TGFBR2: variants seen among roughly 807,000 people sequenced by gnomAD.
TGFBR2 encodes transforming growth factor beta receptor 2, also known as TGF-beta receptor type-2.
Under a neutral mutation model 49.0 loss-of-function variants are expected in TGFBR2, and 18 were observed. The ratio of observed to expected loss-of-function variants is 0.37; its 90% CI spans 0.25 to 0.54. The LOEUF is 0.54. Ranked by LOEUF, TGFBR2 falls within the 20% of genes least tolerant of loss-of-function variation. TGFBR2 has a pLI of 0.85. For synonymous variants in TGFBR2, 282 were observed against 275.9 expected (o/e 1.02, Z -0.22); for missense variants, 525 against 722.6 (o/e 0.73, Z 3.13).
Position 30,676,568 on chromosome 3 carries a change from G to A in TGFBR2, c.1396+2322G>A, listed in dbSNP as rs1374682915. Among the ~76,000 whole-genome samples the A allele has an allele frequency of 1.3e-5, 2 of 152,180 alleles. No individual in the cohort carries two copies. Among genetic ancestry groups the A allele is most frequent in the Admixed American group, 1.3e-4 (2 of 15,272 alleles). On this transcript the variant is annotated intron_variant, in intron 5 of 6. Coordinates refer to ENST00000295754, the MANE Select transcript of TGFBR2 (RefSeq NM_003242.6). This position sits in a 1 kb window ranked among gnomAD's most constrained non-coding sequence, Gnocchi z 4.3. ...TTTCATTATATGAGTATCCAGTATT[G>A]TCATTATTTATTTTGTTGCTCAGGT...
At chr3:30,626,447 A>G (rs1363976478) in intron 1 of TGFBR2, 1 of 152,412 alleles carries the variant, frequency 6.6e-6, no homozygotes, top group Admixed American at 6.5e-5. Context: ...CAAAAGAGAA[A>G]ACACTTGACC....
intron 3 of TGFBR2, among the ~76,000 whole-genome samples, chr3:30,662,337 G>A (rs1699147696): frequency 6.6e-6 from 1 of 152,206 alleles, no homozygotes; most frequent in Non-Finnish European, 1.5e-5. Flanking sequence ...TCTAGAAAGA[G>A]ATTATCATAC....
intron 1 of TGFBR2, among the ~76,000 whole-genome samples, chr3:30,623,455 G>A (rs1000913560): frequency 2.0e-5 from 3 of 152,110 alleles, no homozygotes; most frequent in South Asian, 4.1e-4. Flanking sequence ...TTCTTGCCTC[G>A]AACATTAAAA....
Position 30,691,463 on chromosome 3 carries a change from A to G in TGFBR2, c.1568A>G (p.His523Arg), listed in dbSNP as rs1699708270. Residue 523 changes from histidine (H) to arginine (R), a missense_variant, in exon 7 of 7, where the codon CAC (histidine) becomes CGC (arginine). His to Arg is a conservative substitution (Grantham distance 29, BLOSUM62 0). Coordinates refer to ENST00000295754, the MANE Select transcript of TGFBR2 (RefSeq NM_003242.6). The part of the protein sequence containing the change: ...VCETLTECWD[H>R]DPEARLTAQC... ...GAGACGTTGACTGAGTGCTGGGACC[A>G]CGACCCAGAGGCCCGTCTCACAGCC... 6.2e-7 allele frequency: 1 copy of G among 1,614,062 alleles called. No individual in the cohort carries two copies. Among genetic ancestry groups the G allele is most frequent in the South Asian group, 1.1e-5 (1 of 91,070 alleles).
At chr3:30,623,105 A>T in intron 1 of TGFBR2, 1 of 734,606 alleles carries the variant, frequency 1.4e-6, no homozygotes, top group Non-Finnish European at 2.4e-6. Context: ...ACAGTAATAG[A>T]AAGCTTCATT....
intron 1 of TGFBR2, among the ~76,000 whole-genome samples, chr3:30,642,340 T>C (rs577510355): frequency 6.6e-6 from 1 of 152,248 alleles, no homozygotes; most frequent in South Asian, 2.1e-4. Context: ...TTGTTTTCTG[T>C]TTATTGTGTT....
rs1290850072 is a variant in TGFBR2, at chr3:30,672,808, A to G, written c.1254+371A>G. Among the ~76,000 whole-genome samples the G allele has an allele frequency of 6.6e-6, 1 of 152,056 alleles. No individual in the cohort carries two copies. Among genetic ancestry groups the G allele is most frequent in the Non-Finnish European group, 1.5e-5 (1 of 68,026 alleles). On this transcript the variant is annotated intron_variant, in intron 4 of 6. Transcript: ENST00000295754. The surrounding 1 kb of genome is among the most constrained non-coding windows in gnomAD (Gnocchi z 4.5). ...GTCCTTTCTGCTCTATACTAGCTGT[A>G]GTTGTGTTGGTTTCTTTGTATTAAA... is the stretch of plus-strand genomic sequence containing the variant.
At chr3:30,613,480 G>A (rs950213175) in intron 1 of TGFBR2, among the ~76,000 whole-genome samples, 4 of 151,980 alleles carry the variant, frequency 2.6e-5, no homozygotes, top group African/African-American at 9.7e-5. Flanking sequence ...ATCTCTGCAC[G>A]AGGGTTGTTT....
At chr3:30,687,149 C>T (rs903767323) in intron 5 of TGFBR2, among the ~76,000 whole-genome samples, 1 of 152,172 alleles carries the variant, frequency 6.6e-6, no homozygotes, top group African/African-American at 2.4e-5. Context: ...TAAGGATGTT[C>T]AAGGAAGTTT....
In TGFBR2 at chr3:30,689,388, T is replaced by C. The variant is rs555551876; in HGVS notation, c.1524+877T>C. Among the ~76,000 whole-genome samples, 6 of 152,346 alleles carry C rather than the reference T, an allele frequency of 3.9e-5. No individual in the cohort carries two copies. The South Asian group carries it at 1.2e-3, about 32-fold the overall frequency. On this transcript the variant is annotated intron_variant, in intron 6 of 6. Coordinates refer to ENST00000295754, the MANE Select transcript of TGFBR2 (RefSeq NM_003242.6). ...CCCTATCTCACTGAGAAGACTGTTC[T>C]TTCTACTGACTAAAACCTTTTATTG...
At chr3:30,628,836 T>C (rs1174775317) in intron 1 of TGFBR2, among the ~76,000 whole-genome samples, 2 of 152,124 alleles carry the variant, frequency 1.3e-5, no homozygotes, top group Non-Finnish European at 2.9e-5. Context: ...CTGCCACTCA[T>C]AGCTAACGTG....
At position 30,691,921 on chromosome 3, in the gene TGFBR2, A is replaced by ATC. The variant is rs1250787537; in HGVS notation, c.*323_*324insCT. 8 of 230,108 alleles carry ATC rather than the reference A, an allele frequency of 3.5e-5. No homozygotes were observed. Among genetic ancestry groups the ATC allele is most frequent in the African/African-American group, 1.8e-4 (8 of 43,986 alleles). The allele number at this position is 230,108 out of a possible 1,614,324, so 14.3% of individuals were successfully genotyped here. ...GAATAGCTATGTTTTATATATATAT[A>ATC]TATATATCTATATATGTCTATAGCT... On this transcript the variant is annotated 3_prime_UTR_variant, in exon 7 of 7. Transcript: ENST00000295754.
At chr3:30,621,578 A>G (rs1228043736) in intron 1 of TGFBR2, among the ~76,000 whole-genome samples, 1 of 152,070 alleles carries the variant, frequency 6.6e-6, no homozygotes, top group African/African-American at 2.4e-5. Context: ...ACTGCACCTG[A>G]CCAGAATTTT....
chr3:30,672,161 C>T lies in TGFBR2; in HGVS notation c.978C>T (p.Ala326=), dbSNP rs1575157891. The T allele has an allele frequency of 3.1e-6, 5 of 1,614,174 alleles. No individual in the cohort carries two copies. In the Admixed American group the frequency reaches 8.3e-5, roughly 27 times the overall value. Residue 326 remains alanine, a synonymous_variant, in exon 4 of 7, where the codon GCC becomes GCT. Transcript: ENST00000295754. The surrounding 1 kb of genome is among the most constrained non-coding windows in gnomAD (Gnocchi z 4.5). ...ELGKQYWLIT[A]FHAKGNLQEY... Reference sequence around the variant, plus strand: ...GGAAACAATACTGGCTGATCACCGCCTTCCACGCCAAGGGCAACCTACAGG... The same window carrying T: ...GGAAACAATACTGGCTGATCACCGCTTTCCACGCCAAGGGCAACCTACAGG...
intron 1 of TGFBR2, among the ~76,000 whole-genome samples, chr3:30,609,342 C>T (rs1349270993): frequency 3.3e-5 from 5 of 152,096 alleles, no homozygotes; most frequent in Admixed American, 6.5e-5. Flanking sequence ...AAACTGAAAA[C>T]ATTTTTTCAA....
intron 3 of TGFBR2, among the ~76,000 whole-genome samples, chr3:30,660,588 G>A (rs1699104164): frequency 6.6e-6 from 1 of 152,142 alleles, no homozygotes. Context: ...CCACAGGAAG[G>A]AGCCAAAATT....
chr3:30,618,211 C>G (rs953705290), intron 1 of TGFBR2, among the ~76,000 whole-genome samples: 1 of 151,676 alleles, frequency 6.6e-6, no homozygotes, highest in Admixed American at 6.6e-5. Flanking sequence ...ACCCAAGGAC[C>G]CATTTCTTTT....
intron 3 of TGFBR2, among the ~76,000 whole-genome samples, chr3:30,651,889 A>G (rs1698894987): frequency 6.6e-6 from 1 of 152,232 alleles, no homozygotes; most frequent in Non-Finnish European, 1.5e-5. Context: ...AGTTTAGTCA[A>G]CAATAGGTCT....
chr3:30,617,340 G>A (rs1449820721), intron 1 of TGFBR2, among the ~76,000 whole-genome samples: 6 of 151,916 alleles, frequency 3.9e-5, no homozygotes, highest in South Asian at 2.1e-4. Context: ...ACTACATATC[G>A]GATTTGCGTC....
Sources: allele counts gnomAD v4.1 joint callset (sites outside exome capture counted in the v4.1 genomes callset), GRCh38; gene constraint gnomAD v4.1.1; non-coding constraint Gnocchi (gnomAD v3.1); transcripts MANE v1.5; gene names NCBI Gene and HGNC (gene_info 2026-07-23, HGNC 2026-07-21).